CNTNAP2: variants seen among roughly 807,000 people sequenced by gnomAD.
CNTNAP2 encodes contactin-associated protein-like 2.
CNTNAP2 carries 98 observed loss-of-function variants against 155.2 expected under a neutral mutation model. That is an observed-to-expected ratio of 0.63 (90% CI 0.54 to 0.75). The LOEUF (loss-of-function observed/expected upper bound fraction) is 0.75. Among genes scored for constraint, CNTNAP2 ranks in the 30% least tolerant of loss-of-function variants. The pLI is 0.00. For missense variants in CNTNAP2, 1,727 were observed against 1,688.1 expected (o/e 1.02, Z -0.40); for synonymous variants, 651 against 631.2 (o/e 1.03, Z -0.47).
intron 21 of CNTNAP2, among the ~76,000 whole-genome samples, chr7:148,360,175 A>G (rs1298071942): frequency 1.3e-5 from 2 of 152,216 alleles, no homozygotes; most frequent in East Asian, 3.9e-4. Context: ...CTCCTAGCTG[A>G]CTGCTCCGAA....
intron 8 of CNTNAP2, among the ~76,000 whole-genome samples, chr7:147,182,110 A>C (rs1219725513): frequency 7.6e-6 from 1 of 132,112 alleles, no homozygotes; most frequent in African/African-American, 2.8e-5. Flanking sequence ...TGGGCAAGAG[A>C]GTGAGACTCC....
At chr7:147,508,721 G>C (rs1356102102) in intron 11 of CNTNAP2, among the ~76,000 whole-genome samples, 1 of 152,142 alleles carries the variant, frequency 6.6e-6, no homozygotes, top group Non-Finnish European at 1.5e-5. Flanking sequence ...TCTCAGCATA[G>C]GGAATACGTC....
intron 1 of CNTNAP2, among the ~76,000 whole-genome samples, chr7:146,384,777 T>C (rs78441110): frequency 0.019 from 2,860 of 152,312 alleles, 47 homozygotes; most frequent in African/African-American, 0.045. Context: ...GTTGGGACTA[T>C]GCCTTTTGTC....
intron 1 of CNTNAP2, among the ~76,000 whole-genome samples, chr7:146,511,407 T>G (rs1797464142): frequency 6.6e-6 from 1 of 152,220 alleles, no homozygotes; most frequent in Non-Finnish European, 1.5e-5. Flanking sequence ...CCATTTAGTA[T>G]GACAATAGCT....
At chr7:147,771,316 C>T (rs976807392) in intron 13 of CNTNAP2, among the ~76,000 whole-genome samples, 2 of 152,108 alleles carry the variant, frequency 1.3e-5, no homozygotes, top group African/African-American at 2.4e-5. Flanking sequence ...AAAAAGCACA[C>T]ATCATAAGGA....
intron 4 of CNTNAP2, among the ~76,000 whole-genome samples, chr7:147,065,062 A>T (rs1799752511): frequency 6.6e-6 from 1 of 152,146 alleles, no homozygotes; most frequent in Non-Finnish European, 1.5e-5. Flanking sequence ...TTTAGATGAG[A>T]TTGTTTTAAA....
intron 15 of CNTNAP2, among the ~76,000 whole-genome samples, chr7:148,075,031 G>A (rs1803458811): frequency 6.6e-6 from 1 of 152,136 alleles, no homozygotes; most frequent in African/African-American, 2.4e-5. Context: ...GCTGAGTTAT[G>A]TATTCTAAAG....
chr7:147,779,861 A>G (rs1797638584), intron 13 of CNTNAP2, among the ~76,000 whole-genome samples: 1 of 152,230 alleles, frequency 6.6e-6, no homozygotes, highest in African/African-American at 2.4e-5. Flanking sequence ...GCAGAAAAGC[A>G]TCACACTTTA....
At chr7:146,839,009 T>C (rs562399946) in intron 2 of CNTNAP2, among the ~76,000 whole-genome samples, 1 of 152,312 alleles carries the variant, frequency 6.6e-6, no homozygotes, top group African/African-American at 2.4e-5. Context: ...AGTGCCATTT[T>C]TCTAACAAAT....
chr7:148,245,486 C>T (rs6945371), intron 20 of CNTNAP2, among the ~76,000 whole-genome samples: 27,265 of 152,136 alleles, frequency 0.18, 2,543 homozygotes, highest in Middle Eastern at 0.2. Flanking sequence ...ATATTCTGCG[C>T]GCTGCTCTTC....
At chr7:147,062,546 T>C (rs981571532) in intron 4 of CNTNAP2, among the ~76,000 whole-genome samples, 1 of 152,210 alleles carries the variant, frequency 6.6e-6, no homozygotes. Context: ...TTGAGATGAT[T>C]GCTTAAGCTT....
rs183230442 is a variant in CNTNAP2 at position 147,550,532 on chromosome 7, C to T, written c.1778-11606C>T. Among the ~76,000 whole-genome samples, 52 of 152,282 alleles carry T rather than the reference C, an allele frequency of 3.4e-4. 2 individuals carry two copies. In the East Asian group the frequency reaches 7.9e-3, roughly 23 times the overall value. Reference sequence around the variant, plus strand: ...TAAACTATTTCCTTTATAAATTACCCAGTCTCATATGTCTTTATTAGCAGC... The same window carrying T: ...TAAACTATTTCCTTTATAAATTACCTAGTCTCATATGTCTTTATTAGCAGC... On this transcript the variant is annotated intron_variant, in intron 11 of 23. Coordinates refer to ENST00000361727, the MANE Select transcript of CNTNAP2 (RefSeq NM_014141.6).
At chr7:147,195,984 G>A (rs564502904) in intron 8 of CNTNAP2, among the ~76,000 whole-genome samples, 11 of 152,066 alleles carry the variant, frequency 7.2e-5, no homozygotes, top group Admixed American at 3.9e-4. Context: ...AGGTAATTAC[G>A]TTAAAATGAG....
At chr7:146,287,320 T>G (rs899411097) in intron 1 of CNTNAP2, among the ~76,000 whole-genome samples, 1 of 152,098 alleles carries the variant, frequency 6.6e-6, no homozygotes, top group African/African-American at 2.4e-5. Flanking sequence ...AAAGTAGGTG[T>G]CCCCACTGGG....
chr7:146,747,300 A>G (rs903368069), intron 1 of CNTNAP2, among the ~76,000 whole-genome samples: 1 of 152,186 alleles, frequency 6.6e-6, no homozygotes, highest in African/African-American at 2.4e-5. Flanking sequence ...AGAAAAAATA[A>G]AAAAGGACCT....
At chr7:147,102,282 G>GAAAGAAAA (rs1800672711) in intron 4 of CNTNAP2, among the ~76,000 whole-genome samples, 1 of 110,618 alleles carries the variant, frequency 9.0e-6, no homozygotes, top group East Asian at 2.6e-4. Flanking sequence ...TAGGCAAAAA[G>GAAAGAAAA]AAAAAAAAAA....
At chr7:147,167,395 A>G (rs10261412) in intron 8 of CNTNAP2, 56,685 of 1,275,230 alleles carry the variant, frequency 0.044, 1,761 homozygotes, top group African/African-American at 0.098. Flanking sequence ...CGTTACTACA[A>G]CTTTGAAAAG....
rs1277113759 is a variant in CNTNAP2, at chr7:146,588,134, C to T, written c.98-186137C>T. On this transcript the variant is annotated intron_variant, in intron 1 of 23. Coordinates refer to ENST00000361727, the MANE Select transcript of CNTNAP2 (RefSeq NM_014141.6). ...TAGGGAGTCAGCTGTAGGCTCTATA[C>T]TCTCTCCCACCTTCAGAAGTTTTCA... 4.7e-4 allele frequency among the ~76,000 whole-genome samples: 71 copies of T among 152,032 alleles called. 1 individual carries two copies. The highest frequency in any genetic ancestry group is 4.7e-3 in the Admixed American group (71 of 15,240).
chr7:146,597,773 T>C (rs2129150857), intron 1 of CNTNAP2, among the ~76,000 whole-genome samples: 1 of 151,712 alleles, frequency 6.6e-6, no homozygotes, highest in East Asian at 2.1e-4. Context: ...AATTTTACGT[T>C]GTTATTTTTA....
Sources: gnomAD v4.1 joint callset for allele counts (sites outside exome capture counted in the v4.1 genomes callset) on GRCh38, gnomAD v4.1.1 for gene constraint, MANE v1.5 for transcripts, NCBI Gene and HGNC (gene_info 2026-07-23, HGNC 2026-07-21) for gene names.